RIC1: variants seen among roughly 807,000 people sequenced by gnomAD.
RIC1 encodes the protein RIC1 partner of RAB6A GEF complex, also known as guanine nucleotide exchange factor subunit RIC1.
In RIC1, 88 loss-of-function variants were observed where a neutral mutation model predicts 169.0. That is an observed-to-expected ratio of 0.52 (90% CI 0.44 to 0.62). The LOEUF (loss-of-function observed/expected upper bound fraction) is 0.62. Among genes scored for constraint, RIC1 ranks in the 20% least tolerant of loss-of-function variants. The pLI is 0.00. For synonymous variants in RIC1, 790 were observed against 601.5 expected, an observed-to-expected ratio of 1.31 and a Z score of -4.59; for missense variants, 1,877 against 1,725.5, an observed-to-expected ratio of 1.09 and a Z score of -1.56.
intron 2 of RIC1, among the ~76,000 whole-genome samples, chr9:5,672,084 A>G (rs1420879577): frequency 1.3e-5 from 2 of 152,214 alleles, no homozygotes; most frequent in East Asian, 3.8e-4. Flanking sequence ...CCTTCTACTC[A>G]GAGACAGTGC....
At chr9:5,641,308 G>T (rs1434155611) in intron 1 of RIC1, among the ~76,000 whole-genome samples, 2 of 151,960 alleles carry the variant, frequency 1.3e-5, no homozygotes, top group African/African-American at 2.4e-5. Flanking sequence ...AGCCAGGATG[G>T]TCTCGATCTC....
At chr9:5,709,600 C>T (rs1240437549) in intron 3 of RIC1, among the ~76,000 whole-genome samples, 1 of 152,162 alleles carries the variant, frequency 6.6e-6, no homozygotes, top group African/African-American at 2.4e-5. Context: ...TTCCTATTCT[C>T]CTGGCATTCA....
chr9:5,732,981 C>G (rs944720298), intron 7 of RIC1, among the ~76,000 whole-genome samples: 1 of 151,804 alleles, frequency 6.6e-6, no homozygotes, highest in African/African-American at 2.4e-5. Context: ...ATCTGTATGC[C>G]TATCACATAC....
intron 5 of RIC1, 110 bp downstream of exon 5, chr9:5,720,434 G>C (rs1432935696): frequency 1.6e-6 from 2 of 1,237,376 alleles, no homozygotes; most frequent in East Asian, 4.7e-5. Flanking sequence ...AAGGGGAGAG[G>C]TGGGCAGAGT....
chr9:5,716,576 G>A (rs1823256484), intron 4 of RIC1, among the ~76,000 whole-genome samples: 1 of 152,198 alleles, frequency 6.6e-6, no homozygotes, highest in Admixed American at 6.5e-5. Context: ...TTGTGCCACT[G>A]CACTCCAGCC....
At chr9:5,681,951 G>A (rs950123447) in intron 2 of RIC1, among the ~76,000 whole-genome samples, 2 of 152,128 alleles carry the variant, frequency 1.3e-5, no homozygotes, top group Non-Finnish European at 2.9e-5. Flanking sequence ...TTGGTTTAAA[G>A]TCTGTTTTAT....
intron 1 of RIC1, among the ~76,000 whole-genome samples, chr9:5,637,071 GTT>G (rs1212367769): frequency 6.6e-6 from 1 of 151,870 alleles, no homozygotes; most frequent in Non-Finnish European, 1.5e-5. Context: ...TTGTTTGTTT[GTT>G]TTTGAGACAG....
chr9:5,642,811 G>C lies in RIC1; in HGVS notation c.144+13358G>C, dbSNP rs1030968922. Among the ~76,000 whole-genome samples the C allele has an allele frequency of 7.2e-5, 11 of 152,116 alleles. 1 individual carries two copies. Among genetic ancestry groups the C allele is most frequent in the African/African-American group, 2.2e-4 (9 of 41,400 alleles). ...TGTGGACTAGGTATTTTACATCATA[G>C]TAAGCAAAGTTTCCCAAATTTAAGT... On this transcript the variant is annotated intron_variant, in intron 1 of 25. Coordinates refer to ENST00000414202, the MANE Select transcript of RIC1 (RefSeq NM_020829.4).
In RIC1 at chr9:5,763,676, G is replaced by A; in HGVS notation, c.2649G>A (p.Leu883=). The A allele has an allele frequency of 6.2e-7, 1 of 1,614,146 alleles. No individual in the cohort carries two copies. Among genetic ancestry groups the A allele is most frequent in the Non-Finnish European group, 8.5e-7 (1 of 1,180,018 alleles). ...CACGGGAGCCCATTCCCGACCCTCT[G>A]CTTCCCACTGTGGCAAAATTTATCA... The part of the protein sequence containing the change: ...ATSREPIPDP[L]LPTVAKFITE... The change falls in exon 19 of 26, where the codon CTG becomes CTA. Residue 883 remains leucine, a synonymous_variant. Coordinates refer to ENST00000414202, the MANE Select transcript of RIC1 (RefSeq NM_020829.4). The surrounding 1 kb of genome is among the most constrained non-coding windows in gnomAD (Gnocchi z 5.2).
intron 2 of RIC1, among the ~76,000 whole-genome samples, chr9:5,674,177 G>A (rs769997948): frequency 6.6e-6 from 1 of 152,016 alleles, no homozygotes; most frequent in Non-Finnish European, 1.5e-5. Context: ...ATCTGTGAAT[G>A]GTGAAACTAT....
chr9:5,762,184 C>G (rs889407770), intron 17 of RIC1, among the ~76,000 whole-genome samples: 1 of 152,216 alleles, frequency 6.6e-6, no homozygotes, highest in African/African-American at 2.4e-5. Flanking sequence ...TCTTCCTCAT[C>G]TGTCAGGTTC....
chr9:5,667,794 G>C (rs1025519630), intron 2 of RIC1, among the ~76,000 whole-genome samples: 2 of 152,096 alleles, frequency 1.3e-5, no homozygotes, highest in Non-Finnish European at 2.9e-5. Context: ...ATGAGCCACC[G>C]CACTGGGCCT....
downstream of RIC1, among the ~76,000 whole-genome samples, chr9:5,777,403 T>TA (rs397703024): frequency 0.11 from 14,974 of 141,820 alleles, 1,410 homozygotes; most frequent in African/African-American, 0.26. Flanking sequence ...TAAATACTGC[T>TA]AAAAAAAAAA....
At chr9:5,669,233 C>G (rs946641632) in intron 2 of RIC1, among the ~76,000 whole-genome samples, 1 of 152,172 alleles carries the variant, frequency 6.6e-6, no homozygotes, top group African/African-American at 2.4e-5. Flanking sequence ...ACCCATCACC[C>G]AAGCAGTGTA....
chr9:5,636,685 A>T (rs1039918787), intron 1 of RIC1, among the ~76,000 whole-genome samples: 2 of 152,146 alleles, frequency 1.3e-5, no homozygotes, highest in Non-Finnish European at 2.9e-5. Context: ...ATTCTTGTAT[A>T]TTGATTTTAT....
intron 1 of RIC1, among the ~76,000 whole-genome samples, chr9:5,632,596 A>C (rs899994055): frequency 6.6e-6 from 1 of 152,186 alleles, no homozygotes; most frequent in Non-Finnish European, 1.5e-5. Context: ...GGTGTTAAAA[A>C]AAGGCTCAGT....
intron 15 of RIC1, among the ~76,000 whole-genome samples, chr9:5,755,922 T>TTAAATAAATAAATAAA (rs55944285): frequency 8.8e-5 from 13 of 148,300 alleles, no homozygotes; most frequent in South Asian, 2.2e-4. Flanking sequence ...GACCCCGTCT[T>TTAAATAAATAAATAAA]TAAATAAATA....
rs776133909 is a variant in RIC1, at chr9:5,763,858, T to C, written c.2831T>C (p.Ile944Thr). The change falls in exon 19 of 26, where the codon ATT (isoleucine) becomes ACT (threonine). Residue 944 changes from isoleucine (I) to threonine (T), a missense_variant. Around this residue, in one of 3 missense-constraint regions of RIC1, gnomAD observed 92 missense variants for 151.5 expected, o/e 0.61. Coordinates refer to ENST00000414202, the MANE Select transcript of RIC1 (RefSeq NM_020829.4). This position sits in a 1 kb window ranked among gnomAD's most constrained non-coding sequence, Gnocchi z 5.2. ...QDLDTAASYL[I>T]ILQNMEVPAV... Reference sequence around the variant, plus strand: ...TTGGACACAGCTGCCTCTTACCTTATTATCTTACAGGTAACAATTCTCTTC... The same window carrying C: ...TTGGACACAGCTGCCTCTTACCTTACTATCTTACAGGTAACAATTCTCTTC... 3.7e-6 allele frequency: 6 copies of C among 1,610,708 alleles called. No individual in the cohort carries two copies. The African/African-American group carries it at 4.0e-5, about 11-fold the overall frequency.
At chr9:5,671,859 A>T (rs1001409888) in intron 2 of RIC1, among the ~76,000 whole-genome samples, 1 of 152,206 alleles carries the variant, frequency 6.6e-6, no homozygotes, top group African/African-American at 2.4e-5. Context: ...TCCTTAAGGC[A>T]CTGAGACAGG....
Sources: allele counts gnomAD v4.1 joint callset (sites outside exome capture counted in the v4.1 genomes callset), GRCh38; gene constraint gnomAD v4.1.1; regional missense constraint gnomAD v4.1.1; non-coding constraint Gnocchi (gnomAD v3.1); transcripts MANE v1.5; gene names NCBI Gene and HGNC (gene_info 2026-07-23, HGNC 2026-07-21).